ADH1A: variants seen among roughly 807,000 people sequenced by gnomAD.
The protein encoded by ADH1A is alcohol dehydrogenase 1A (class I), alpha polypeptide, also known as alcohol dehydrogenase 1A.
In ADH1A, 29 loss-of-function variants were observed where a neutral mutation model predicts 35.2. That is an observed-to-expected ratio of 0.82 (90% CI 0.61 to 1.12). The LOEUF (loss-of-function observed/expected upper bound fraction) is 1.12. ADH1A is among the 50% of genes most tolerant of loss of function. ADH1A has a pLI of 0.00. For missense variants in ADH1A, 469 were observed against 464.7 expected, an observed-to-expected ratio of 1.01 and a Z score of -0.09; for synonymous variants, 147 against 164.8, an observed-to-expected ratio of 0.89 and a Z score of 0.83.
At chr4:99,283,291 G>A (rs1019893588) in intron 5 of ADH1A, among the ~76,000 whole-genome samples, 2 of 152,096 alleles carry the variant, frequency 1.3e-5, no homozygotes, top group African/African-American at 2.4e-5. Context: ...TAAAATAGAC[G>A]AGGCAATTGA....
rs1298866220 is a variant in ADH1A, at chr4:99,279,501, A to G, written c.1028T>C (p.Leu343Ser). The part of the protein sequence containing the change: ...VADFMAKKFS[L>S]DALITHVLPF... Reference sequence around the variant, plus strand: ...TAAAACATGGGTTATTAATGCATCCAATGAAAACTTCTTAGCCATAAAATC... The same window carrying G: ...TAAAACATGGGTTATTAATGCATCCGATGAAAACTTCTTAGCCATAAAATC... Residue 343 changes from leucine (L) to serine (S), a missense_variant, in exon 8 of 9, where the codon TTG becomes TCG. Coordinates refer to ENST00000209668, the MANE Select transcript of ADH1A (RefSeq NM_000667.4). 1 of 1,612,312 alleles carries G rather than the reference A, an allele frequency of 6.2e-7. No individual in the cohort carries two copies. The highest frequency in any genetic ancestry group is 1.7e-5 in the Admixed American group (1 of 59,862).
At chr4:99,282,649 TA>T (rs1733037858) in intron 5 of ADH1A, 43 bp from the exon 6 acceptor site, 3 of 1,595,542 alleles carry the variant, frequency 1.9e-6, no homozygotes, top group Non-Finnish European at 2.6e-6. Flanking sequence ...AAAAACTTTA[TA>T]AAGTGCCATG....
At chr4:99,287,243 A>C (rs1733174683) in intron 2 of ADH1A, among the ~76,000 whole-genome samples, 1 of 152,252 alleles carries the variant, frequency 6.6e-6, no homozygotes, top group Non-Finnish European at 1.5e-5. Context: ...GTCTTAAATA[A>C]TATAAAAGAA....
chr4:99,283,118 G>C (rs1733047572), intron 5 of ADH1A, among the ~76,000 whole-genome samples: 1 of 152,098 alleles, frequency 6.6e-6, no homozygotes, highest in Non-Finnish European at 1.5e-5. Flanking sequence ...TGAACTCCTT[G>C]GTTCATTTAT....
intron 3 of ADH1A, among the ~76,000 whole-genome samples, chr4:99,286,041 A>AAAAAAAT: frequency 3.3e-5 from 5 of 150,130 alleles, no homozygotes; most frequent in South Asian, 2.1e-4. Flanking sequence ...AAAAAAAAAA[A>AAAAAAAT]GTGATTTTTT....
In ADH1A at chr4:99,284,810, A is replaced by T. The variant is rs1259151509; in HGVS notation, c.260-7T>A. 1.2e-6 allele frequency: 2 copies of T among 1,611,448 alleles called. No individual in the cohort carries two copies. Among genetic ancestry groups the T allele is most frequent in the South Asian group, 2.2e-5 (2 of 91,018 alleles). On this transcript the variant is annotated splice_polypyrimidine_tract_variant and splice_region_variant and intron_variant, in intron 3 of 8. Transcript: ENST00000209668. ...AGTGGGATGACTTTATCACCTGGAG[A>T]GGGATAAAACAAATTCTTTTACAAT...
At chr4:99,288,249 C>G (rs1024321667) in intron 1 of ADH1A, among the ~76,000 whole-genome samples, 4 of 152,086 alleles carry the variant, frequency 2.6e-5, no homozygotes, top group Admixed American at 1.3e-4. Context: ...TGCAACTTAG[C>G]TTTGAGAGGC....
chr4:99,286,056 A>C (rs1309234374), intron 3 of ADH1A, among the ~76,000 whole-genome samples: 1 of 149,892 alleles, frequency 6.7e-6, no homozygotes, highest in Non-Finnish European at 1.5e-5. Flanking sequence ...TTTTTTTAGA[A>C]TTAAACATAA....
chr4:99,276,675 A>G (rs1732875626), intron 8 of ADH1A, 27 bp from the exon 9 acceptor site: 4 of 1,603,118 alleles, frequency 2.5e-6, no homozygotes, highest in Non-Finnish European at 3.4e-6. Context: ...GAGACATTGT[A>G]TTAGCATTTA....
chr4:99,281,042 G>A (rs1732989926), intron 6 of ADH1A: 1 of 152,114 alleles, frequency 6.6e-6, no homozygotes, highest in Non-Finnish European at 1.5e-5. Context: ...TCAGATATTT[G>A]GTATCTTGAG....
chr4:99,282,445 G>A lies in ADH1A; in HGVS notation c.729C>T (p.Asn243=), dbSNP rs1733030813. ...GGATGGGTTTCTTGTAGTCTTGAGGGTTGATGCATTCAGTGGCACCCAACT... is the reference window on the plus strand; with the variant it reads ...GGATGGGTTTCTTGTAGTCTTGAGGATTGATGCATTCAGTGGCACCCAACT... ...AKELGATECI[N]PQDYKKPIQE... is the part of the protein sequence containing the mutation. Residue 243 remains asparagine, a synonymous_variant, in exon 6 of 9, where the codon AAC becomes AAT. Coordinates refer to ENST00000209668, the MANE Select transcript of ADH1A (RefSeq NM_000667.4). The A allele has an allele frequency of 1.9e-6, 3 of 1,613,922 alleles. No individual in the cohort carries two copies. The highest frequency in any genetic ancestry group is 2.5e-6 in the Non-Finnish European group (3 of 1,180,008).
At chr4:99,286,363 AG>A (rs1199412686) in intron 3 of ADH1A, among the ~76,000 whole-genome samples, 1 of 152,164 alleles carries the variant, frequency 6.6e-6, no homozygotes, top group African/African-American at 2.4e-5. Flanking sequence ...AAATTGGTGA[AG>A]GGGCTGCATA....
chr4:99,276,504 A>C lies in ADH1A; in HGVS notation c.*120T>G. The C allele has an allele frequency of 1.1e-6, 1 of 907,948 alleles. No individual in the cohort carries two copies. The highest frequency in any genetic ancestry group is 2.2e-5 in the Admixed American group (1 of 45,922). The allele number at this position is 907,948 out of a possible 1,614,324, so 56.2% of individuals were successfully genotyped here. A position where few individuals can be genotyped will look rare whatever the true frequency, so the allele number is the denominator to read the frequency against. On this transcript the variant is annotated 3_prime_UTR_variant, in exon 9 of 9. Coordinates refer to ENST00000209668, the MANE Select transcript of ADH1A (RefSeq NM_000667.4). ...TTCCATTTCTTTGGAAAGCCCCCAA[A>C]TGTAATTTATTGATAAAATCTGTGA...
At chr4:99,280,326 T>G in intron 6 of ADH1A, 47 bp from the exon 7 acceptor site, 1 of 1,610,750 alleles carries the variant, frequency 6.2e-7, no homozygotes, top group Non-Finnish European at 8.5e-7. Context: ...AGTCGCATAG[T>G]TCCTATTCAT....
At chr4:99,287,701 T>A (rs779927330) in intron 1 of ADH1A, 36 bp from the exon 2 acceptor site, 2 of 1,607,834 alleles carry the variant, frequency 1.2e-6, no homozygotes, top group African/African-American at 2.7e-5. Flanking sequence ...ACCAGTGTTC[T>A]CCCACGCTTG....
At chr4:99,289,426 A>G (rs1733238335) in intron 1 of ADH1A, among the ~76,000 whole-genome samples, 1 of 152,244 alleles carries the variant, frequency 6.6e-6, no homozygotes. Flanking sequence ...TCCAGAGAAT[A>G]AAGATGAATC....
intron 3 of ADH1A, among the ~76,000 whole-genome samples, chr4:99,286,188 C>T (rs1392397161): frequency 6.6e-6 from 1 of 151,956 alleles, no homozygotes; most frequent in Non-Finnish European, 1.5e-5. Context: ...AGTTATTCTC[C>T]CTTTATAATT....
At chr4:99,284,902 G>A in intron 3 of ADH1A, 99 bp from the exon 4 acceptor site, 1 of 1,014,972 alleles carries the variant, frequency 9.9e-7, no homozygotes, top group Admixed American at 2.5e-5. Context: ...AGAAACATGT[G>A]TCTTTAAAAG....
Position 99,287,666 on chromosome 4 carries a change from C to G in ADH1A, c.19-1G>C, listed in dbSNP as rs75123444. On this transcript the variant is annotated splice_acceptor_variant, in intron 1 of 8. Transcript: ENST00000209668. LOFTEE classifies it high-confidence loss of function. The stretch of plus-strand genomic sequence containing the variant: ...GCACAGCTGCTTTGCATTTGATTAC[C>G]TAGAAAAGCAAACAGAGAGATGGCA... 1 of 1,613,796 alleles carries G rather than the reference C, an allele frequency of 6.2e-7. No homozygotes were observed. Among genetic ancestry groups the G allele is most frequent in the East Asian group, 2.2e-5 (1 of 44,848 alleles).
Sources: gnomAD v4.1 joint callset for allele counts (sites outside exome capture counted in the v4.1 genomes callset) on GRCh38, gnomAD v4.1.1 for gene constraint, MANE v1.5 for transcripts, NCBI Gene and HGNC (gene_info 2026-07-23, HGNC 2026-07-21) for gene names.